Variants in DET1 observed in about 807,000 individuals in gnomAD.
DET1 encodes the protein DET1 homolog.
DET1 carries 22 observed loss-of-function variants against 43.7 expected under a neutral mutation model. The ratio of observed to expected loss-of-function variants is 0.50; its 90% CI spans 0.36 to 0.72. DET1 has a LOEUF of 0.72. DET1 is among the 30% of genes least tolerant of loss of function. The pLI is 0.00. For synonymous variants in DET1, 315 were observed against 266.2 expected (o/e 1.18, Z -1.79); for missense variants, 713 against 713.3 (o/e 1.00, Z 0.00).
chr15:88,542,599 A>G (rs2057139202), intron 1 of DET1, among the ~76,000 whole-genome samples: 1 of 152,232 alleles, frequency 6.6e-6, no homozygotes, highest in Admixed American at 6.5e-5. Context: ...GATAAATAAC[A>G]GTCAGCTTTT....
At chr15:88,529,452 G>T (rs1019071555) in intron 2 of DET1, among the ~76,000 whole-genome samples, 1 of 152,234 alleles carries the variant, frequency 6.6e-6, no homozygotes, top group Non-Finnish European at 1.5e-5. Flanking sequence ...TGCTCAATGG[G>T]TGACTTCATC....
intron 2 of DET1, 55 bp downstream of exon 2, chr15:88,530,568 C>T (rs1307128125): frequency 6.5e-7 from 1 of 1,528,390 alleles, no homozygotes; most frequent in Non-Finnish European, 8.8e-7. Flanking sequence ...ACAGAGAAAC[C>T]TTCCCATTTT....
chr15:88,512,706 A>T lies in DET1; in HGVS notation c.*245T>A. 13 of 1,241,974 alleles carry T rather than the reference A, an allele frequency of 1.0e-5. No homozygotes were observed. The highest frequency in any genetic ancestry group is 1.2e-5 in the Non-Finnish European group (12 of 992,454). 76.9% of individuals were successfully genotyped at this position (1,241,974 alleles called of 1,614,324 possible). A position where few individuals can be genotyped will look rare whatever the true frequency, so the allele number is the denominator to read the frequency against. On this transcript the variant is annotated 3_prime_UTR_variant, in exon 5 of 5. Coordinates refer to ENST00000268148, the MANE Select transcript of DET1 (RefSeq NM_001144074.3). ...AGCAAAAATGAAATGGACTTAATTAATGCTGGGCATTCCCACAGGGAAAAC... is the reference window on the plus strand; with the variant it reads ...AGCAAAAATGAAATGGACTTAATTATTGCTGGGCATTCCCACAGGGAAAAC...
At chr15:88,530,514 A>G in intron 2 of DET1, 109 bp downstream of exon 2, 1 of 1,488,686 alleles carries the variant, frequency 6.7e-7, no homozygotes, top group South Asian at 1.4e-5. Context: ...ATATCAATTC[A>G]GACTACGTGA....
chr15:88,535,090 C>A (rs569087654), intron 1 of DET1, among the ~76,000 whole-genome samples: 5 of 152,134 alleles, frequency 3.3e-5, no homozygotes, highest in African/African-American at 1.2e-4. Flanking sequence ...AAAGTCTCAG[C>A]TAAGAAACAG....
chr15:88,539,593 C>T (rs368649751), intron 1 of DET1, among the ~76,000 whole-genome samples: 29 of 151,966 alleles, frequency 1.9e-4, no homozygotes, highest in African/African-American at 6.8e-4. Context: ...GTCAGGACGT[C>T]GGTATTGCCC....
intron 1 of DET1, among the ~76,000 whole-genome samples, chr15:88,534,083 A>G (rs1490899189): frequency 2.0e-5 from 3 of 152,162 alleles, no homozygotes; most frequent in Admixed American, 6.5e-5. Flanking sequence ...GTACACTTAC[A>G]ATCAGTTAAG....
At position 88,531,148 on chromosome 15, in the gene DET1, G is replaced by A. The variant is rs544277627; in HGVS notation, c.558C>T (p.Ser186=). The stretch of plus-strand genomic sequence containing the variant: ...TATGGAGGGAATAGTCTTCTAGAGG[G>A]GACCGTGGGTTGGGGGTCACTGATT... ...NSESVTPNPR[S]PLEDYSLHII... The change falls in exon 2 of 5, where the codon TCC becomes TCT. Residue 186 remains serine, a synonymous_variant. Transcript: ENST00000268148. This position sits in a 1 kb window ranked among gnomAD's most constrained non-coding sequence, Gnocchi z 6.2. 151 of 1,613,960 alleles carry A rather than the reference G, an allele frequency of 9.4e-5. 1 individual carries two copies. The East Asian group carries it at 3.3e-3, about 35-fold the overall frequency.
chr15:88,529,732 G>A lies in DET1; in HGVS notation c.1083+891C>T, dbSNP rs554694974. Among the ~76,000 whole-genome samples, 3 of 152,330 alleles carry A rather than the reference G, an allele frequency of 2.0e-5. No individual in the cohort carries two copies. The South Asian group carries it at 6.2e-4, about 32-fold the overall frequency. ...CTGAATTTCCAAACTAGTGTCTAAG[G>A]AGACAATCTGCAAACAGGAGAATGG... On this transcript the variant is annotated intron_variant, in intron 2 of 4. Transcript: ENST00000268148.
intron 7 of DET1, among the ~76,000 whole-genome samples, chr15:88,505,995 C>T (rs560891220): frequency 1.3e-5 from 2 of 152,178 alleles, no homozygotes; most frequent in South Asian, 2.1e-4. Context: ...CCTAGAGAAG[C>T]GGCAAGCTTA....
In DET1 at chr15:88,530,862, C is replaced by T. The variant is rs1209078715; in HGVS notation, c.844G>A (p.Gly282Ser). 1.2e-6 allele frequency: 2 copies of T among 1,613,996 alleles called. No individual in the cohort carries two copies. The highest frequency in any genetic ancestry group is 1.7e-6 in the Non-Finnish European group (2 of 1,179,872). The change falls in exon 2 of 5, where the codon GGC (glycine) becomes AGC (serine). Residue 282 changes from glycine (G) to serine (S), a missense_variant. Gly to Ser is a moderately conservative substitution (Grantham distance 56). Coordinates refer to ENST00000268148, the MANE Select transcript of DET1 (RefSeq NM_001144074.3). ...GGATCCCTAAAGGGATTGGCCATGC[C>T]TGTCTGACTGTCCCGCTGTACCTCA... Reference protein sequence around the residue: ...FPEVQRDSQTGMANPFRDPFI... With the variant: ...FPEVQRDSQTSMANPFRDPFI...
At chr15:88,507,356 C>T (rs2056152350) in intron 7 of DET1, among the ~76,000 whole-genome samples, 1 of 152,184 alleles carries the variant, frequency 6.6e-6, no homozygotes, top group African/African-American at 2.4e-5. Flanking sequence ...CACCCACCAC[C>T]CACCCCACTA....
Position 88,530,690 on chromosome 15 carries a change from T to C in DET1, c.1016A>G (p.Glu339Gly). ...LRMWKMQLLDENHLFIKYTSE... is the reference protein window; with the variant it reads ...LRMWKMQLLDGNHLFIKYTSE... ...AGTGTACTTGATAAACAGGTGGTTT[T>C]CATCCAGAAGCTGCATTTTCCACAT... The change falls in exon 2 of 5, where the codon GAA (glutamate) becomes GGA (glycine). Residue 339 changes from glutamate to glycine, a missense_variant. By Grantham distance (98) the Glu-to-Gly change is moderately conservative. Transcript: ENST00000268148. 2 of 1,613,996 alleles carry C rather than the reference T, an allele frequency of 1.2e-6. No homozygotes were observed. The highest frequency in any genetic ancestry group is 1.7e-6 in the Non-Finnish European group (2 of 1,179,874).
intron 3 of DET1, among the ~76,000 whole-genome samples, chr15:88,522,512 G>GTTTTTTTTGTTTT (rs2056520478): frequency 1.2e-5 from 1 of 80,258 alleles, no homozygotes; most frequent in African/African-American, 5.2e-5. Flanking sequence ...AATGTTCCTG[G>GTTTTTTTTGTTTT]TTTTTTTTTT....
intron 1 of DET1, among the ~76,000 whole-genome samples, chr15:88,543,665 C>A (rs1433704615): frequency 1.3e-5 from 2 of 152,162 alleles, no homozygotes; most frequent in African/African-American, 2.4e-5. Context: ...CCAGCAAACA[C>A]CTCAGTGCAA....
At chr15:88,522,514 T>G (rs796494321) in intron 3 of DET1, among the ~76,000 whole-genome samples, 1 of 126,448 alleles carries the variant, frequency 7.9e-6, no homozygotes, top group Admixed American at 7.7e-5. Flanking sequence ...TGTTCCTGGT[T>G]TTTTTTTTTT....
At chr15:88,518,851 A>G (rs1459280647) in intron 3 of DET1, among the ~76,000 whole-genome samples, 2 of 152,214 alleles carry the variant, frequency 1.3e-5, no homozygotes, top group Admixed American at 1.3e-4. Flanking sequence ...TTAGATGGAC[A>G]TGAACACTTT....
intron 2 of DET1, 21 bp from the exon 3 acceptor site, chr15:88,527,807 A>AG (rs1429542925): frequency 9.0e-6 from 14 of 1,563,374 alleles, no homozygotes; most frequent in Non-Finnish European, 9.5e-6. Context: ...AAAGAGAGAG[A>AG]GGTATGGGAC....
chr15:88,515,569 G>A (rs867750507), intron 4 of DET1, among the ~76,000 whole-genome samples: 3,052 of 40,430 alleles, frequency 0.075, 8 homozygotes, highest in Non-Finnish European at 0.11. Flanking sequence ...AAAAAAAAAA[G>A]ACCGAAGGGA....
Sources: allele counts gnomAD v4.1 joint callset (sites outside exome capture counted in the v4.1 genomes callset), GRCh38; gene constraint gnomAD v4.1.1; non-coding constraint Gnocchi (gnomAD v3.1); transcripts MANE v1.5; gene names NCBI Gene and HGNC (gene_info 2026-07-23, HGNC 2026-07-21).